The following FARSA variants were observed in gnomAD, a reference collection of about 807,000 sequenced individuals.
FARSA encodes the protein phenylalanyl-tRNA synthetase subunit alpha.
FARSA carries 37 observed loss-of-function variants against 63.2 expected under a neutral mutation model. That is an observed-to-expected ratio of 0.59 (90% CI 0.45 to 0.77). The LOEUF is 0.77. Among genes scored for constraint, FARSA ranks in the 30% least tolerant of loss-of-function variants. FARSA has a pLI of 0.00. For missense variants in FARSA, 618 were observed against 696.6 expected (o/e 0.89, Z 1.27); for synonymous variants, 312 against 285.1 (o/e 1.09, Z -0.95).
In FARSA at chr19:12,930,746, T is replaced by C; in HGVS notation, c.151A>G (p.Ile51Val). The C allele has an allele frequency of 6.2e-7, 1 of 1,606,996 alleles. No homozygotes were observed. Among genetic ancestry groups the C allele is most frequent in the Non-Finnish European group, 8.5e-7 (1 of 1,179,980 alleles). Residue 51 changes from isoleucine to valine, a missense_variant, in exon 2 of 13, where the codon ATC becomes GTC. Ile to Val is a conservative substitution (Grantham distance 29, BLOSUM62 3). Coordinates refer to ENST00000314606, the MANE Select transcript of FARSA (RefSeq NM_004461.3). ...TTGGTGGACCGAAGTTCAGCCTCGA[T>C]GACCTAGAGGGAAATGTGGGGAGGG... ...VKSLQALGEVIEAELRSTKHW... is the reference protein window; with the variant it reads ...VKSLQALGEVVEAELRSTKHW...
intron 1 of FARSA, 37 bp from the exon 2 acceptor site, chr19:12,930,786 T>G (rs768186953): frequency 6.2e-7 from 1 of 1,600,542 alleles, no homozygotes; most frequent in Non-Finnish European, 8.5e-7. Context: ...CAGGCAGGGG[T>G]GAGGCTCAGA....
chr19:12,929,614 C>T (rs1267363474), intron 4 of FARSA, among the ~76,000 whole-genome samples: 3 of 152,114 alleles, frequency 2.0e-5, no homozygotes, highest in African/African-American at 7.2e-5. Flanking sequence ...GGATTACACA[C>T]GTGAGCCACA....
In FARSA at chr19:12,924,224, G is replaced by A. The variant is rs765172401; in HGVS notation, c.1315C>T (p.Arg439Cys). The change falls in exon 12 of 13, where the codon CGT becomes TGT. Residue 439 changes from arginine (R) to cysteine (C), a missense_variant. Transcript: ENST00000314606. This position sits in a 1 kb window ranked among gnomAD's most constrained non-coding sequence, Gnocchi z 6.4. Reference sequence around the variant, plus strand: ...CCCATGGGCAGCAGCATCTCTGGACGGAAGACCCCCGAGTTTCCGACCTCC... The same window carrying A: ...CCCATGGGCAGCAGCATCTCTGGACAGAAGACCCCCGAGTTTCCGACCTCC... ...WVEVGNSGVFRPEMLLPMGLP... is the reference protein window; with the variant it reads ...WVEVGNSGVFCPEMLLPMGLP... The A allele has an allele frequency of 3.3e-5, 54 of 1,613,992 alleles. No homozygotes were observed. The highest frequency in any genetic ancestry group is 3.3e-5 in the Non-Finnish European group (39 of 1,180,040).
intron 4 of FARSA, 98 bp from the exon 5 acceptor site, chr19:12,928,945 T>C: frequency 2.0e-6 from 2 of 1,021,610 alleles, no homozygotes; most frequent in African/African-American, 3.1e-5. Flanking sequence ...ACCTACCAAG[T>C]CACTCTGCTT....
rs201131468 is a variant in FARSA, at chr19:12,924,672, T to A, written c.1162A>T (p.Met388Leu). 1 of 1,595,662 alleles carries A rather than the reference T, an allele frequency of 6.3e-7. No individual in the cohort carries two copies. Residue 388 changes from methionine (M) to leucine (L), a missense_variant, in exon 10 of 13, where the codon ATG becomes TTG. Met to Leu is a conservative substitution (Grantham distance 15). Transcript: ENST00000314606. The surrounding 1 kb of genome is among the most constrained non-coding windows in gnomAD (Gnocchi z 6.4). Reference protein sequence around the residue: ...ADHGLTLGHLMGVLREFFTKL... With the variant: ...ADHGLTLGHLLGVLREFFTKL... ...GTGAAGAACTCCCGCAGAACGCCCATGAGGTGGCCCAAGGTGAGACCATGA... is the reference window on the plus strand; with the variant it reads ...GTGAAGAACTCCCGCAGAACGCCCAAGAGGTGGCCCAAGGTGAGACCATGA...
At chr19:12,927,182 T>A (rs545835724) in intron 7 of FARSA, among the ~76,000 whole-genome samples, 1 of 152,308 alleles carries the variant, frequency 6.6e-6, no homozygotes, top group Admixed American at 6.5e-5. Context: ...CTGTCTCTGG[T>A]GACACGTGAG....
intron 1 of FARSA, 123 bp from the exon 2 acceptor site, chr19:12,930,872 T>C (rs994570668): frequency 8.7e-5 from 99 of 1,139,296 alleles, no homozygotes; most frequent in Non-Finnish European, 1.2e-4. Context: ...ACATCCCAGC[T>C]ATACAACTTT....
chr19:12,922,866 C>T lies in FARSA; in HGVS notation c.1409G>A (p.Gly470Asp). 6.2e-7 allele frequency: 1 copy of T among 1,614,100 alleles called. No individual in the cohort carries two copies. Among genetic ancestry groups the T allele is most frequent in the Non-Finnish European group, 8.5e-7 (1 of 1,180,012 alleles). ...CACCAGCTCCCGGATATTGTTGATG[C>T]CATATTTGATCATCGTTGGGCTTGT... ...SLERPTMIKY[G>D]INNIRELVGH... The change falls in exon 13 of 13, where the codon GGC becomes GAC. Residue 470 changes from glycine (G) to aspartate (D), a missense_variant. Transcript: ENST00000314606.
intron 12 of FARSA, among the ~76,000 whole-genome samples, chr19:12,923,150 T>C (rs966620105): frequency 6.6e-6 from 1 of 152,142 alleles, no homozygotes; most frequent in African/African-American, 2.4e-5. Context: ...CTTCCCCAGA[T>C]ACTCTCATGG....
In FARSA at chr19:12,922,820, C is replaced by T. The variant is rs1198662506; in HGVS notation, c.1455G>A (p.Gln485=). 4 of 1,614,168 alleles carry T rather than the reference C, an allele frequency of 2.5e-6. No individual in the cohort carries two copies. Among genetic ancestry groups the T allele is most frequent in the Non-Finnish European group, 3.4e-6 (4 of 1,180,042 alleles). The change falls in exon 13 of 13, where the codon CAG becomes CAA. Residue 485 remains glutamine, a synonymous_variant. Coordinates refer to ENST00000314606, the MANE Select transcript of FARSA (RefSeq NM_004461.3). ...GGCACAGGGGACTGTCATACACCAT[C>T]TGCAGGTTCACCTTGTGGCCCACCA... is the stretch of plus-strand genomic sequence containing the variant. ...RELVGHKVNL[Q]MVYDSPLCRL... is the part of the protein sequence containing the mutation.
chr19:12,927,430 A>C (rs2145996899), intron 7 of FARSA, among the ~76,000 whole-genome samples: 1 of 152,050 alleles, frequency 6.6e-6, no homozygotes, highest in South Asian at 2.1e-4. Context: ...GAACAAAACA[A>C]AACAAAAATT....
At chr19:12,925,532 ATT>A (rs1971316796) in intron 7 of FARSA, among the ~76,000 whole-genome samples, 1 of 146,434 alleles carries the variant, frequency 6.8e-6, no homozygotes, top group African/African-American at 2.5e-5. Context: ...AAATTTTTGT[ATT>A]TTTAGTAGAG....
Position 12,922,549 on chromosome 19 carries a change from G to A in FARSA, c.*199C>T, listed in dbSNP as rs765973832. On this transcript the variant is annotated 3_prime_UTR_variant, in exon 13 of 13. Coordinates refer to ENST00000314606, the MANE Select transcript of FARSA (RefSeq NM_004461.3). The stretch of plus-strand genomic sequence containing the variant: ...CTCCTCAGGGCCCACCCTCACAGTA[G>A]ACACACCACACAGGACAACAGAAGG... The A allele has an allele frequency of 4.6e-6, 3 of 648,206 alleles. No homozygotes were observed. The highest frequency in any genetic ancestry group is 7.8e-6 in the Non-Finnish European group (3 of 383,460). The allele number at this position is 648,206 out of a possible 1,614,324, so 40.2% of individuals were successfully genotyped here.
chr19:12,930,295 C>G lies in FARSA; in HGVS notation c.431G>C (p.Arg144Pro), dbSNP rs202157711. Residue 144 changes from arginine (R) to proline (P), a missense_variant, in exon 4 of 13, where the codon CGG becomes CCG. Transcript: ENST00000314606. ...DEVQRRLQLVRGGQAEKLGEK... is the reference protein window; with the variant it reads ...DEVQRRLQLVPGGQAEKLGEK... ...CCCCAGCTTCTCAGCCTGTCCCCCC[C>G]GGACCAGCTGGAGCCGCCGCTGCAC... The G allele has an allele frequency of 8.4e-5, 136 of 1,613,974 alleles. No homozygotes were observed. The highest frequency in any genetic ancestry group is 1.1e-4 in the Non-Finnish European group (129 of 1,180,010).
Position 12,922,704 on chromosome 19 carries a change from C to T in FARSA, c.*44G>A, listed in dbSNP as rs766975205. 2.5e-6 allele frequency: 4 copies of T among 1,608,484 alleles called. No homozygotes were observed. The highest frequency in any genetic ancestry group is 2.2e-5 in the South Asian group (2 of 90,978). On this transcript the variant is annotated 3_prime_UTR_variant, in exon 13 of 13. Coordinates refer to ENST00000314606, the MANE Select transcript of FARSA (RefSeq NM_004461.3). Reference sequence around the variant, plus strand: ...TGGCCAGGGATGCAAAGGAGCGCAGCAGCAGGGACTCGGGGAGGATGACCT... The same window carrying T: ...TGGCCAGGGATGCAAAGGAGCGCAGTAGCAGGGACTCGGGGAGGATGACCT...
At chr19:12,927,715 G>A (rs1243574572) in intron 7 of FARSA, among the ~76,000 whole-genome samples, 2 of 92,676 alleles carry the variant, frequency 2.2e-5, no homozygotes, top group African/African-American at 8.8e-5. Flanking sequence ...TTGGGCGACA[G>A]AATGAGACTG....
In FARSA at chr19:12,930,359, G is replaced by GTGAGGGGTA; in HGVS notation, c.385-27_385-19dup. 2 of 1,613,812 alleles carry GTGAGGGGTA rather than the reference G, an allele frequency of 1.2e-6. No individual in the cohort carries two copies. The highest frequency in any genetic ancestry group is 1.7e-6 in the Non-Finnish European group (2 of 1,179,774). On this transcript the variant is annotated intron_variant, in intron 3 of 12. Transcript: ENST00000314606. Reference sequence around the variant, plus strand: ...CTGTCCACCTGCCAGGATAAGGAGTGTGAGGGGTATGAGGGCCAGGGGCCC... The same window carrying GTGAGGGGTA: ...CTGTCCACCTGCCAGGATAAGGAGTGTGAGGGGTATGAGGGGTATGAGGGCCAGGGGCCC...
At position 12,930,507 on chromosome 19, in the gene FARSA, C is replaced by G. The variant is rs761704654; in HGVS notation, c.306G>C (p.Val102=). The G allele has an allele frequency of 2.5e-6, 4 of 1,613,970 alleles. No homozygotes were observed. The highest frequency in any genetic ancestry group is 1.7e-6 in the Non-Finnish European group (2 of 1,179,968). ...TGTTGGACATGGCCTTGCTGAAGCC[C>G]ACTTTGCCACTGGGCAGTCGCTGGA... The part of the protein sequence containing the change: ...SELMRLPSGK[V]GFSKAMSNKW... Residue 102 remains valine (V), a synonymous_variant, in exon 3 of 13, where the codon GTG becomes GTC. Transcript: ENST00000314606.
intron 12 of FARSA, among the ~76,000 whole-genome samples, chr19:12,923,362 C>T (rs552009327): frequency 6.6e-6 from 1 of 152,310 alleles, no homozygotes; most frequent in South Asian, 2.1e-4. Flanking sequence ...GTGGCGTAAT[C>T]TCAGCTCACT....
Sources: allele counts gnomAD v4.1 joint callset (sites outside exome capture counted in the v4.1 genomes callset), GRCh38; gene constraint gnomAD v4.1.1; non-coding constraint Gnocchi (gnomAD v3.1); transcripts MANE v1.5; gene names NCBI Gene and HGNC (gene_info 2026-07-23, HGNC 2026-07-21).